The following TM2D1 variants were observed in gnomAD, a reference collection of about 807,000 sequenced individuals.
The protein encoded by TM2D1 is TM2 domain containing 1.
A neutral mutation model predicts 28.4 loss-of-function variants in TM2D1; 15 were observed. The ratio of observed to expected loss-of-function variants is 0.53; its 90% CI spans 0.35 to 0.81. TM2D1 has a LOEUF of 0.81. TM2D1 is among the 40% of genes least tolerant of loss of function. The pLI, the probability that TM2D1 is intolerant of heterozygous loss-of-function variation, is 0.01. For missense variants in TM2D1, 236 were observed against 254.9 expected, an observed-to-expected ratio of 0.93 and a Z score of 0.50; for synonymous variants, 93 against 96.2, an observed-to-expected ratio of 0.97 and a Z score of 0.20.
intron 5 of TM2D1, among the ~76,000 whole-genome samples, chr1:61,691,613 A>G (rs1644325368): frequency 6.6e-6 from 1 of 151,462 alleles, no homozygotes; most frequent in South Asian, 2.1e-4. Context: ...ATCCTTCATG[A>G]CATATATAAA....
At chr1:61,706,760 T>C (rs917719220) in intron 3 of TM2D1, among the ~76,000 whole-genome samples, 3 of 150,252 alleles carry the variant, frequency 2.0e-5, no homozygotes, top group Non-Finnish European at 4.4e-5. Context: ...CGGAGGTTGG[T>C]GGAGGTTGCA....
At chr1:61,686,556 C>G (rs1487844205) in intron 5 of TM2D1, among the ~76,000 whole-genome samples, 2 of 151,906 alleles carry the variant, frequency 1.3e-5, no homozygotes, top group Non-Finnish European at 2.9e-5. Context: ...CCAGCTACTA[C>G]TAGGGAGGCT....
At chr1:61,683,178 CT>C (rs1264948985) in intron 6 of TM2D1, 2 of 192,550 alleles carry the variant, frequency 1.0e-5, no homozygotes, top group African/African-American at 4.6e-5. Context: ...TTTGATGTTA[CT>C]TTTTTCTTGT....
chr1:61,708,085 G>A (rs1194153267), intron 3 of TM2D1, among the ~76,000 whole-genome samples: 2 of 152,046 alleles, frequency 1.3e-5, no homozygotes, highest in Non-Finnish European at 2.9e-5. Context: ...AAGTTTTTTA[G>A]AGACAGGGTC....
intron 2 of TM2D1, among the ~76,000 whole-genome samples, chr1:61,716,410 T>C (rs973473896): frequency 3.0e-4 from 44 of 145,528 alleles, no homozygotes; most frequent in Non-Finnish European, 3.3e-4. Flanking sequence ...TATAATTTTA[T>C]ATATGTATAT....
chr1:61,700,360 C>G (rs1277228507), intron 4 of TM2D1: 6 of 1,307,592 alleles, frequency 4.6e-6, no homozygotes, highest in Admixed American at 4.0e-5. Context: ...ACTGTTTAAA[C>G]AAAAGCTATC....
At chr1:61,683,293 A>ATAT (rs1431811336) in intron 6 of TM2D1, 124 bp downstream of exon 6, 2 of 355,818 alleles carry the variant, frequency 5.6e-6, no homozygotes, top group African/African-American at 4.2e-5. Flanking sequence ...GAGATGTTTC[A>ATAT]GGCATAGGGG....
intron 5 of TM2D1, among the ~76,000 whole-genome samples, chr1:61,691,939 A>ATATATATATATATG (rs1353957882): frequency 8.3e-5 from 8 of 96,028 alleles, no homozygotes; most frequent in Non-Finnish European, 1.7e-4. Flanking sequence ...AAAAATATAT[A>ATATATATATATATG]TATATATATA....
At chr1:61,704,153 G>A (rs942594177) in intron 3 of TM2D1, among the ~76,000 whole-genome samples, 3 of 151,886 alleles carry the variant, frequency 2.0e-5, no homozygotes, top group Non-Finnish European at 4.4e-5. Flanking sequence ...GCCTCCTCAA[G>A]TGCTGGGATT....
chr1:61,695,460 T>G (rs1418060688), intron 4 of TM2D1, among the ~76,000 whole-genome samples: 2 of 143,404 alleles, frequency 1.4e-5, no homozygotes, highest in African/African-American at 5.1e-5. Flanking sequence ...AAAACGATTG[T>G]AAGAGGCAGA....
intron 5 of TM2D1, among the ~76,000 whole-genome samples, chr1:61,686,142 T>C (rs1644283794): frequency 6.6e-6 from 1 of 152,352 alleles, no homozygotes; most frequent in South Asian, 2.1e-4. Flanking sequence ...ATTTTTCTTA[T>C]TGATTATAAT....
At position 61,709,330 on chromosome 1, in the gene TM2D1, C is replaced by T. The variant is rs549210707; in HGVS notation, c.346G>A (p.Val116Ile). The T allele has an allele frequency of 1.6e-5, 26 of 1,598,760 alleles. No individual in the cohort carries two copies. In the African/African-American group the frequency reaches 2.5e-4, roughly 16 times the overall value. ...TTTAAGTTTCAGTAATGTACTTACACATTTCGGCAAGATATGGGCTTGAAA... is the reference window on the plus strand; with the variant it reads ...TTTAAGTTTCAGTAATGTACTTACATATTTCGGCAAGATATGGGCTTGAAA... ...GFFKPISCRNVNGYSYKVAVA... is the reference protein window; with the variant it reads ...GFFKPISCRNINGYSYKVAVA... The change falls in exon 3 of 7, where the codon GTA (valine) becomes ATA (isoleucine). Residue 116 changes from valine (V) to isoleucine (I), a missense_variant and splice_region_variant. Transcript: ENST00000606498.
intron 3 of TM2D1, among the ~76,000 whole-genome samples, chr1:61,708,087 G>A (rs76157120): frequency 0.019 from 2,930 of 152,198 alleles, 111 homozygotes; most frequent in African/African-American, 0.064. Flanking sequence ...GTTTTTTAGA[G>A]ACAGGGTCTC....
chr1:61,700,308 C>T, intron 4 of TM2D1: 2 of 1,438,752 alleles, frequency 1.4e-6, no homozygotes, highest in Non-Finnish European at 1.8e-6. Context: ...ATGATAAACT[C>T]AGAGGGTTGT....
intron 3 of TM2D1, among the ~76,000 whole-genome samples, 159 bp downstream of exon 3, chr1:61,709,170 C>A (rs750586823): frequency 6.6e-6 from 1 of 151,808 alleles, no homozygotes; most frequent in Non-Finnish European, 1.5e-5. Context: ...ATCTCAAAAA[C>A]CAAAAAACAA....
Position 61,723,793 on chromosome 1 carries a change from A to T in TM2D1, c.165-7T>A. Reference sequence around the variant, plus strand: ...TGGATCTTTACAAATATATGTAAAAAAAAAAGTTAAGGAAATACGGACTAC... The same window carrying T: ...TGGATCTTTACAAATATATGTAAAATAAAAAGTTAAGGAAATACGGACTAC... On this transcript the variant is annotated splice_polypyrimidine_tract_variant and splice_region_variant and intron_variant, in intron 1 of 6. Transcript: ENST00000606498. The T allele has an allele frequency of 7.0e-7, 1 of 1,433,324 alleles. No individual in the cohort carries two copies. The highest frequency in any genetic ancestry group is 1.4e-5 in the African/African-American group (1 of 70,476). The allele number at this position is 1,433,324 out of a possible 1,614,324, so 88.8% of individuals were successfully genotyped here. A position where few individuals can be genotyped will look rare whatever the true frequency, so the allele number is the denominator to read the frequency against.
intron 2 of TM2D1, among the ~76,000 whole-genome samples, chr1:61,711,676 T>C (rs771782414): frequency 6.6e-6 from 1 of 152,100 alleles, no homozygotes; most frequent in African/African-American, 2.4e-5. Context: ...AGGCAATTGG[T>C]ATGTAGCTAT....
intron 5 of TM2D1, among the ~76,000 whole-genome samples, chr1:61,684,699 C>CA (rs11376765): frequency 0.018 from 2,794 of 151,928 alleles, 91 homozygotes; most frequent in African/African-American, 0.065. Context: ...TTGATCCAAA[C>CA]AAAAAATCAC....
intron 4 of TM2D1, chr1:61,698,802 C>G (rs1644381877): frequency 6.6e-6 from 1 of 151,526 alleles, no homozygotes; most frequent in South Asian, 2.1e-4. Context: ...CTCTGCTGGC[C>G]TCAAACTCCT....
Sources: gnomAD v4.1 joint callset for allele counts (sites outside exome capture counted in the v4.1 genomes callset) on GRCh38, gnomAD v4.1.1 for gene constraint, MANE v1.5 for transcripts, NCBI Gene and HGNC (gene_info 2026-07-23, HGNC 2026-07-21) for gene names.